Variants in ZFHX3 observed in about 807,000 individuals in gnomAD.
The protein encoded by ZFHX3 is zinc finger homeobox 3.
In ZFHX3, 42 loss-of-function variants were observed where a neutral mutation model predicts 279.1. The observed-to-expected ratio is 0.15, with a 90% CI of 0.12 to 0.19. The LOEUF (loss-of-function observed/expected upper bound fraction) is 0.19, where lower values mean the gene tolerates loss of function less well. Among genes scored for constraint, ZFHX3 ranks in the 10% least tolerant of loss-of-function variants. The pLI is 1.00. For missense variants in ZFHX3, 4,981 were observed against 4,754.0 expected (o/e 1.05, Z -1.40); for synonymous variants, 2,293 against 1,957.8 (o/e 1.17, Z -4.52).
intron 4 of ZFHX3, among the ~76,000 whole-genome samples, chr16:72,839,768 G>A (rs1451715413): frequency 4.6e-5 from 7 of 152,032 alleles, no homozygotes; most frequent in African/African-American, 1.7e-4. Context: ...GGGGGTTCAT[G>A]ACAATGTGGG....
chr16:73,449,732 G>C (rs1191786860), intron 3 of ZFHX3, among the ~76,000 whole-genome samples: 10 of 152,192 alleles, frequency 6.6e-5, no homozygotes, highest in Admixed American at 6.5e-4. Context: ...AGGAAATTGA[G>C]TAGCTGTGTG....
At chr16:73,215,454 A>G (rs2012170049) in intron 5 of ZFHX3, among the ~76,000 whole-genome samples, 1 of 152,230 alleles carries the variant, frequency 6.6e-6, no homozygotes, top group Non-Finnish European at 1.5e-5. Context: ...TGCCAAGACT[A>G]TAATTCAACT....
intron 1 of ZFHX3, among the ~76,000 whole-genome samples, chr16:73,775,066 G>GTA: frequency 6.6e-6 from 1 of 152,220 alleles, no homozygotes; most frequent in Non-Finnish European, 1.5e-5. Context: ...CATTTTTCAA[G>GTA]TATAGACACA....
chr16:72,866,776 T>A (rs2038034440), intron 4 of ZFHX3, among the ~76,000 whole-genome samples: 1 of 152,116 alleles, frequency 6.6e-6, no homozygotes, highest in South Asian at 2.1e-4. Flanking sequence ...TGGCACCTCT[T>A]TGAACATCTT....
chr16:73,166,943 C>G (rs569425404), intron 5 of ZFHX3, among the ~76,000 whole-genome samples: 38 of 152,126 alleles, frequency 2.5e-4, no homozygotes, highest in Admixed American at 3.3e-4. Flanking sequence ...CAACACAACA[C>G]GACACAACAC....
At chr16:73,102,615 A>G (rs1366278510) in intron 7 of ZFHX3, among the ~76,000 whole-genome samples, 2 of 152,178 alleles carry the variant, frequency 1.3e-5, no homozygotes, top group Non-Finnish European at 2.9e-5. Flanking sequence ...TGTCCTTGGT[A>G]TTGCTGACTG....
rs528332033 is a variant in ZFHX3 at position 73,572,177 on chromosome 16, A to C, written c.-1547+108003T>G. ...TGAATCTAAATATTCTTAAAAAAAA[A>C]AAAAAAAAACTTTTTCTGAATTGGC... is the stretch of plus-strand genomic sequence containing the variant. On this transcript the variant is annotated intron_variant, in intron 2 of 17. Transcript: ENST00000641206. 1.1e-3 allele frequency among the ~76,000 whole-genome samples: 160 copies of C among 151,984 alleles called. 1 individual carries two copies. The highest frequency in any genetic ancestry group is 3.0e-3 in the African/African-American group (126 of 41,486).
Position 73,125,224 on chromosome 16 carries a change from G to A in ZFHX3, c.-897+5744C>T, listed in dbSNP as rs561082757. ...TTTTTTTTTTTTTTTTTTTGCTAGG[G>A]TGACCTGCAGAATACTCATGGAGGA... is the stretch of plus-strand genomic sequence containing the variant. On this transcript the variant is annotated intron_variant, in intron 7 of 17. Transcript: ENST00000641206. The A allele has an allele frequency of 6.6e-5, 9 of 137,026 alleles. No homozygotes were observed. The East Asian group carries it at 1.7e-3, about 26-fold the overall frequency. The allele number at this position is 137,026 out of a possible 1,614,324, so 8.5% of individuals were successfully genotyped here. A position where few individuals can be genotyped will look rare whatever the true frequency, so the allele number is the denominator to read the frequency against.
At chr16:73,619,500 T>TTATATATA (rs1555528593) in intron 2 of ZFHX3, among the ~76,000 whole-genome samples, 3 of 131,748 alleles carry the variant, frequency 2.3e-5, no homozygotes, top group African/African-American at 9.0e-5. Context: ...AAAAAAAAAA[T>TTATATATA]TATATATATA....
chr16:72,805,034 A>G (rs1485918924), intron 7 of ZFHX3, among the ~76,000 whole-genome samples: 2 of 152,052 alleles, frequency 1.3e-5, no homozygotes, highest in African/African-American at 4.8e-5. Flanking sequence ...CTGAAGTGCA[A>G]TGGCACAATC....
At chr16:73,509,478 C>A (rs537251022) in intron 2 of ZFHX3, among the ~76,000 whole-genome samples, 36 of 151,634 alleles carry the variant, frequency 2.4e-4, no homozygotes, top group Non-Finnish European at 4.3e-4. Flanking sequence ...CCCTTCTTAC[C>A]ACTCCCACCT....
intron 1 of ZFHX3, among the ~76,000 whole-genome samples, chr16:73,831,444 G>A (rs1960995460): frequency 6.6e-6 from 1 of 152,116 alleles, no homozygotes; most frequent in South Asian, 2.1e-4. Context: ...AGATGGGAAT[G>A]GGCAAAATGA....
At chr16:73,815,618 A>G (rs984236756) in intron 1 of ZFHX3, 3 of 151,320 alleles carry the variant, frequency 2.0e-5, no homozygotes, top group African/African-American at 7.3e-5. Flanking sequence ...CTGGAGCGTA[A>G]TGGCACGATC....
At chr16:73,460,245 T>A (rs1461523026) in intron 2 of ZFHX3, among the ~76,000 whole-genome samples, 1 of 150,494 alleles carries the variant, frequency 6.6e-6, no homozygotes, top group African/African-American at 2.4e-5. Flanking sequence ...TGGCTTTTTT[T>A]CACTCAGCGT....
intron 2 of ZFHX3, among the ~76,000 whole-genome samples, chr16:73,481,656 GT>G (rs1356302138): frequency 6.6e-6 from 1 of 151,620 alleles, no homozygotes; most frequent in Non-Finnish European, 1.5e-5. Flanking sequence ...GTTTTTGTTT[GT>G]TTGTTTGTTT....
At chr16:73,483,398 G>A in intron 2 of ZFHX3, 1 of 455,720 alleles carries the variant, frequency 2.2e-6, no homozygotes, top group Non-Finnish European at 4.4e-6. Context: ...AGCCAGGGTA[G>A]GGACCAAAAG....
At chr16:72,860,462 A>C (rs2037858332) in intron 4 of ZFHX3, among the ~76,000 whole-genome samples, 1 of 151,572 alleles carries the variant, frequency 6.6e-6, no homozygotes. Context: ...AGTCTCACTC[A>C]CTCTGTTGCC....
At chr16:73,081,650 T>G (rs916619690) in intron 8 of ZFHX3, 3 of 152,300 alleles carry the variant, frequency 2.0e-5, no homozygotes, top group Admixed American at 2.0e-4. Context: ...TAGATGCCAA[T>G]TCTGTCAAAA....
chr16:73,762,374 T>G (rs1403244326), intron 1 of ZFHX3, among the ~76,000 whole-genome samples: 1 of 152,176 alleles, frequency 6.6e-6, no homozygotes, highest in African/African-American at 2.4e-5. Flanking sequence ...TTTACACTGT[T>G]AGTGGAAATG....
Sources: allele counts gnomAD v4.1 joint callset (sites outside exome capture counted in the v4.1 genomes callset), GRCh38; gene constraint gnomAD v4.1.1; transcripts MANE v1.5; gene names NCBI Gene and HGNC (gene_info 2026-07-23, HGNC 2026-07-21).